The following PREX2 variants were observed in gnomAD, a reference collection of about 807,000 sequenced individuals.
PREX2 encodes phosphatidylinositol 3,4,5-trisphosphate-dependent Rac exchanger 2 protein.
PREX2 carries 107 observed loss-of-function variants against 203.2 expected under a neutral mutation model. The ratio of observed to expected loss-of-function variants is 0.53; its 90% CI spans 0.45 to 0.62. The LOEUF (loss-of-function observed/expected upper bound fraction) is 0.62, where lower values mean the gene tolerates loss of function less well. PREX2 is among the 20% of genes least tolerant of loss of function. The pLI is 0.00. For synonymous variants in PREX2, 672 were observed against 663.6 expected (o/e 1.01, Z -0.19); for missense variants, 1,777 against 1,955.9 (o/e 0.91, Z 1.72).
At chr8:68,185,890 C>T (rs1812179662) in intron 35 of PREX2, among the ~76,000 whole-genome samples, 1 of 148,534 alleles carries the variant, frequency 6.7e-6, no homozygotes, top group South Asian at 2.1e-4. Flanking sequence ...TTTCTATACT[C>T]AGACAAAGGA....
rs1370844354 is a variant in PREX2, at chr8:68,060,682, A to G, written c.1242A>G (p.Glu414=). ...TTFPKCFLGS[E]FVSWLLEIGE... Reference sequence around the variant, plus strand: ...TTTCACTGACTTTCTCTTGCAGCGAATTTGTGTCATGGCTGTTGGAAATTG... The same window carrying G: ...TTTCACTGACTTTCTCTTGCAGCGAGTTTGTGTCATGGCTGTTGGAAATTG... The change falls in exon 11 of 40, where the codon GAA becomes GAG. Residue 414 remains glutamate (E), a synonymous_variant. Coordinates refer to ENST00000288368, the MANE Select transcript of PREX2 (RefSeq NM_024870.4). 3 of 1,608,974 alleles carry G rather than the reference A, an allele frequency of 1.9e-6. No individual in the cohort carries two copies. Among genetic ancestry groups the G allele is most frequent in the Non-Finnish European group, 2.5e-6 (3 of 1,178,210 alleles).
chr8:67,972,479 C>T (rs1805952442), intron 1 of PREX2, among the ~76,000 whole-genome samples: 2 of 152,366 alleles, frequency 1.3e-5, no homozygotes, highest in East Asian at 3.9e-4. Flanking sequence ...TTCTCTTCCT[C>T]TTTCAACTGC....
At chr8:68,227,175 G>A (rs1284995315) in intron 39 of PREX2, among the ~76,000 whole-genome samples, 2 of 152,160 alleles carry the variant, frequency 1.3e-5, no homozygotes, top group African/African-American at 4.8e-5. Flanking sequence ...GCCCATTTGA[G>A]GACAGCTAAG....
At chr8:68,166,619 T>G (rs1229364701) in intron 35 of PREX2, among the ~76,000 whole-genome samples, 1 of 152,198 alleles carries the variant, frequency 6.6e-6, no homozygotes, top group African/African-American at 2.4e-5. Context: ...TGCAAAAATC[T>G]TTCAATTGTC....
chr8:68,026,661 A>G (rs916122512), intron 4 of PREX2, among the ~76,000 whole-genome samples: 4 of 129,784 alleles, frequency 3.1e-5, no homozygotes, highest in African/African-American at 1.6e-4. Flanking sequence ...TCCTTCTCTG[A>G]CACTGGCTTT....
intron 21 of PREX2, chr8:68,095,056 G>A (rs1202131205): frequency 6.6e-6 from 1 of 152,276 alleles, no homozygotes; most frequent in Non-Finnish European, 1.5e-5. Context: ...GGCGATGTCT[G>A]GAAGAGTGCT....
chr8:68,192,134 C>T (rs949874695), intron 36 of PREX2, among the ~76,000 whole-genome samples: 1 of 152,098 alleles, frequency 6.6e-6, no homozygotes, highest in Non-Finnish European at 1.5e-5. Flanking sequence ...CAAAGGATTG[C>T]AGTTAGTGCT....
intron 35 of PREX2, among the ~76,000 whole-genome samples, chr8:68,171,948 G>A (rs564586447): frequency 1.3e-5 from 2 of 152,184 alleles, no homozygotes; most frequent in East Asian, 3.9e-4. Flanking sequence ...TTAAATTAAC[G>A]AGAAACATTC....
At chr8:68,192,281 A>T in intron 36 of PREX2, 54 bp from the exon 37 acceptor site, 1 of 1,421,338 alleles carries the variant, frequency 7.0e-7, no homozygotes, top group Non-Finnish European at 9.6e-7. Flanking sequence ...CAACCTATCT[A>T]AAAGAATTTT....
intron 1 of PREX2, among the ~76,000 whole-genome samples, chr8:67,985,580 G>A (rs1004519489): frequency 2.0e-5 from 3 of 152,002 alleles, no homozygotes; most frequent in African/African-American, 4.8e-5. Flanking sequence ...TCTTATTGTC[G>A]GAGATAGGAA....
At position 68,236,875 on chromosome 8, in the gene PREX2, GTAACA is replaced by G. The variant is rs1469683972; in HGVS notation, c.*5500_*5504del. The G allele has an allele frequency of 6.6e-6, 1 of 151,932 alleles. No individual in the cohort carries two copies. Among genetic ancestry groups the G allele is most frequent in the African/African-American group, 2.4e-5 (1 of 41,396 alleles). 9.4% of individuals were successfully genotyped at this position (151,932 alleles called of 1,614,324 possible). A position where few individuals can be genotyped will look rare whatever the true frequency, so the allele number is the denominator to read the frequency against. On this transcript the variant is annotated 3_prime_UTR_variant, in exon 40 of 40. Transcript: ENST00000288368. ...TTTTTTTCCTTTGTAAAATATCCATGTAACATAGCTTCCATTACTCCATATTTTAT... is the reference window on the plus strand; with the variant it reads ...TTTTTTTCCTTTGTAAAATATCCATGTAGCTTCCATTACTCCATATTTTAT...
intron 33 of PREX2, among the ~76,000 whole-genome samples, chr8:68,143,167 A>G (rs1585825113): frequency 6.6e-6 from 1 of 152,218 alleles, no homozygotes; most frequent in African/African-American, 2.4e-5. Flanking sequence ...CCTTACCCAA[A>G]TCTCATGCTT....
At chr8:68,094,738 A>G (rs1585784604) in intron 21 of PREX2, among the ~76,000 whole-genome samples, 1 of 152,192 alleles carries the variant, frequency 6.6e-6, no homozygotes, top group Admixed American at 6.5e-5. Flanking sequence ...CCCCATACCA[A>G]CCAATTCCCC....
intron 34 of PREX2, among the ~76,000 whole-genome samples, chr8:68,153,076 A>G (rs1811473939): frequency 6.6e-6 from 1 of 152,182 alleles, no homozygotes. Context: ...ACAAAACATT[A>G]TTATGTATCA....
intron 6 of PREX2, among the ~76,000 whole-genome samples, chr8:68,035,540 A>T (rs963599029): frequency 3.9e-5 from 6 of 152,264 alleles, no homozygotes; most frequent in Middle Eastern, 3.4e-3. Context: ...GAGATAATGC[A>T]CAGATTTAAA....
intron 1 of PREX2, among the ~76,000 whole-genome samples, chr8:67,969,185 C>T (rs954834637): frequency 6.6e-6 from 1 of 151,856 alleles, no homozygotes; most frequent in Non-Finnish European, 1.5e-5. Flanking sequence ...GGAGTGAGGC[C>T]GCGTTTAGAG....
At chr8:68,226,553 T>C (rs772112265) in intron 39 of PREX2, among the ~76,000 whole-genome samples, 3 of 152,330 alleles carry the variant, frequency 2.0e-5, no homozygotes, top group Non-Finnish European at 2.9e-5. Context: ...CTGTCTGAGA[T>C]ACTATTTGAT....
intron 21 of PREX2, among the ~76,000 whole-genome samples, chr8:68,094,600 G>A (rs1000859640): frequency 1.3e-5 from 2 of 152,116 alleles, no homozygotes; most frequent in Non-Finnish European, 2.9e-5. Context: ...CATATTATTG[G>A]TGGATGTCTC....
chr8:67,962,828 G>A (rs1585656886), intron 1 of PREX2, among the ~76,000 whole-genome samples: 3 of 151,826 alleles, frequency 2.0e-5, no homozygotes, highest in South Asian at 4.2e-4. Flanking sequence ...GGCTGCTCTC[G>A]AACTCCTGAC....
Sources: gnomAD v4.1 joint callset for allele counts (sites outside exome capture counted in the v4.1 genomes callset) on GRCh38, gnomAD v4.1.1 for gene constraint, MANE v1.5 for transcripts, NCBI Gene and HGNC (gene_info 2026-07-23, HGNC 2026-07-21) for gene names.